Variants in ZNF516 observed in about 807,000 individuals in gnomAD.
The protein encoded by ZNF516 is zinc finger protein 516.
ZNF516 carries 19 observed loss-of-function variants against 79.7 expected under a neutral mutation model. The observed-to-expected ratio is 0.24, with a 90% CI of 0.17 to 0.35. ZNF516 has a LOEUF of 0.35. Among genes scored for constraint, ZNF516 ranks in the 10% least tolerant of loss-of-function variants. The probability of loss-of-function intolerance (pLI) is 1.00; values close to 1 mark genes in which losing one functional copy is unlikely to be tolerated. For synonymous variants in ZNF516, 877 were observed against 739.5 expected (o/e 1.19, Z -3.02); for missense variants, 1,678 against 1,679.5 (o/e 1.00, Z 0.02).
chr18:76,466,446 G>A (rs566154399), intron 1 of ZNF516, among the ~76,000 whole-genome samples: 14 of 152,218 alleles, frequency 9.2e-5, no homozygotes, highest in African/African-American at 1.2e-4. Flanking sequence ...CACGGAGGCC[G>A]ACGCTCTGCA....
intron 3 of ZNF516, among the ~76,000 whole-genome samples, chr18:76,423,679 C>A (rs2075542032): frequency 7.1e-6 from 1 of 141,492 alleles, no homozygotes; most frequent in Admixed American, 7.5e-5. Context: ...CTGAAACATA[C>A]ACACGCAGGT....
At chr18:76,395,638 G>A (rs1014429934) in intron 3 of ZNF516, among the ~76,000 whole-genome samples, 4 of 152,002 alleles carry the variant, frequency 2.6e-5, no homozygotes, top group African/African-American at 9.7e-5. Flanking sequence ...TGCTGAGGTG[G>A]ACATCCCAGA....
intron 4 of ZNF516, 135 bp downstream of exon 4, chr18:76,378,720 G>T: frequency 1.5e-6 from 2 of 1,318,092 alleles, no homozygotes; most frequent in Non-Finnish European, 2.0e-6. Flanking sequence ...GCAGCTCTCA[G>T]CTCAGCAGTG....
intron 3 of ZNF516, among the ~76,000 whole-genome samples, chr18:76,396,274 T>C (rs1325695803): frequency 6.6e-6 from 1 of 152,028 alleles, no homozygotes; most frequent in Non-Finnish European, 1.5e-5. Flanking sequence ...GGGGAACAAA[T>C]AGGTATTTGT....
At chr18:76,402,948 C>G (rs548508440) in intron 3 of ZNF516, among the ~76,000 whole-genome samples, 8 of 152,352 alleles carry the variant, frequency 5.3e-5, no homozygotes, top group Admixed American at 3.3e-4. Flanking sequence ...CGAAGCTAGT[C>G]GAAGCTACAG....
rs751144069 is a variant in ZNF516, at chr18:76,443,094, C to G, written c.-40G>C. The stretch of plus-strand genomic sequence containing the variant: ...CGGCCGGTGGTGGCGGCACAGCTTT[C>G]TGTCGCGCGGGCTGCAGGGACCGTC... On this transcript the variant is annotated 5_prime_UTR_variant, in exon 3 of 7. Transcript: ENST00000443185. 19 of 1,537,968 alleles carry G rather than the reference C, an allele frequency of 1.2e-5. No homozygotes were observed. In the African/African-American group the frequency reaches 2.2e-4, roughly 18 times the overall value.
intron 2 of ZNF516, among the ~76,000 whole-genome samples, chr18:76,457,956 C>G (rs1006244239): frequency 1.3e-5 from 2 of 152,182 alleles, no homozygotes; most frequent in Non-Finnish European, 2.9e-5. Context: ...AGATAAGCTT[C>G]TTCTCACCTT....
intron 3 of ZNF516, among the ~76,000 whole-genome samples, chr18:76,410,818 C>G (rs1599045863): frequency 6.6e-6 from 1 of 152,212 alleles, no homozygotes; most frequent in Non-Finnish European, 1.5e-5. Context: ...ATCCAATCAG[C>G]AGCAATCTCC....
At chr18:76,466,654 G>T (rs1380475817) in intron 1 of ZNF516, among the ~76,000 whole-genome samples, 1 of 152,256 alleles carries the variant, frequency 6.6e-6, no homozygotes, top group Non-Finnish European at 1.5e-5. Context: ...GTGGCACACA[G>T]GACGCAGTGG....
At chr18:76,494,786 C>T (rs1024890807) in intron 1 of ZNF516, among the ~76,000 whole-genome samples, 3 of 151,920 alleles carry the variant, frequency 2.0e-5, no homozygotes, top group Non-Finnish European at 2.9e-5. Flanking sequence ...CTCCCCTCCT[C>T]CCGCGTCGCC....
Position 76,361,414 on chromosome 18 carries a change from A to AC in ZNF516, c.*1083dup, listed in dbSNP as rs1426912166. 1 of 152,120 alleles carries AC rather than the reference A, an allele frequency of 6.6e-6. No homozygotes were observed. The highest frequency in any genetic ancestry group is 1.5e-5 in the Non-Finnish European group (1 of 68,016). The allele number at this position is 152,120 out of a possible 1,614,324, so 9.4% of individuals were successfully genotyped here. A position where few individuals can be genotyped will look rare whatever the true frequency, so the allele number is the denominator to read the frequency against. On this transcript the variant is annotated 3_prime_UTR_variant, in exon 7 of 7. Transcript: ENST00000443185. ...CCCACCCAAGGGGCTGGTGATCCCCACCCTTTATGAACAAAGTCACTCATC... is the reference window on the plus strand; with the variant it reads ...CCCACCCAAGGGGCTGGTGATCCCCACCCCTTTATGAACAAAGTCACTCATC...
chr18:76,367,042 A>G (rs1051499971), intron 6 of ZNF516, among the ~76,000 whole-genome samples: 1 of 152,170 alleles, frequency 6.6e-6, no homozygotes, highest in African/African-American at 2.4e-5. Context: ...TCGCCTGCCT[A>G]TTAGACATTC....
At chr18:76,491,439 G>T (rs964502463) in intron 1 of ZNF516, among the ~76,000 whole-genome samples, 1 of 113,222 alleles carries the variant, frequency 8.8e-6, no homozygotes, top group African/African-American at 3.3e-5. Context: ...CCCCCGGCCC[G>T]CACAGACCCC....
At chr18:76,415,301 G>C (rs1001886371) in intron 3 of ZNF516, among the ~76,000 whole-genome samples, 7 of 152,250 alleles carry the variant, frequency 4.6e-5, no homozygotes, top group Admixed American at 3.9e-4. Flanking sequence ...GATAAGGCGT[G>C]AGTGTTCCCA....
chr18:76,425,565 C>A (rs2075581931), intron 3 of ZNF516, among the ~76,000 whole-genome samples: 1 of 152,206 alleles, frequency 6.6e-6, no homozygotes, highest in Admixed American at 6.5e-5. Context: ...ACTGACAGGG[C>A]TAAACATTTC....
At chr18:76,468,478 G>A (rs902533359) in intron 1 of ZNF516, among the ~76,000 whole-genome samples, 3 of 146,968 alleles carry the variant, frequency 2.0e-5, no homozygotes, top group African/African-American at 7.6e-5. Flanking sequence ...GTGCAGTGGT[G>A]CAACCTTGGC....
chr18:76,426,566 CCA>C (rs1482320576), intron 3 of ZNF516, among the ~76,000 whole-genome samples: 2 of 151,866 alleles, frequency 1.3e-5, no homozygotes, highest in African/African-American at 2.4e-5. Flanking sequence ...TATCTAAAAT[CCA>C]CAGTTAACCA....
chr18:76,448,622 A>G (rs1403545290), intron 2 of ZNF516, among the ~76,000 whole-genome samples: 1 of 152,214 alleles, frequency 6.6e-6, no homozygotes, highest in Non-Finnish European at 1.5e-5. Context: ...TAGCGGAAGC[A>G]GTCTCTGTCC....
At chr18:76,485,292 A>G (rs1914764899) in intron 1 of ZNF516, among the ~76,000 whole-genome samples, 1 of 152,162 alleles carries the variant, frequency 6.6e-6, no homozygotes, top group Non-Finnish European at 1.5e-5. Context: ...ATCTGGGGGG[A>G]ATATGATTAT....
Sources: allele counts gnomAD v4.1 joint callset (sites outside exome capture counted in the v4.1 genomes callset), GRCh38; gene constraint gnomAD v4.1.1; transcripts MANE v1.5; gene names NCBI Gene and HGNC (gene_info 2026-07-23, HGNC 2026-07-21).